The following RALA variants were observed in gnomAD, a reference collection of about 807,000 sequenced individuals.
The protein encoded by RALA is ras-related protein Ral-A.
A neutral mutation model predicts 24.0 loss-of-function variants in RALA; 5 were observed. That is an observed-to-expected ratio of 0.21 (90% CI 0.11 to 0.44). RALA has a LOEUF of 0.44. RALA is among the 20% of genes least tolerant of loss of function. The pLI is 0.99. For synonymous variants in RALA, 77 were observed against 83.8 expected, an observed-to-expected ratio of 0.92 and a Z score of 0.44; for missense variants, 95 against 241.2, an observed-to-expected ratio of 0.39 and a Z score of 4.01.
chr7:39,680,748 T>A (rs1792580335), intron 1 of RALA, among the ~76,000 whole-genome samples: 1 of 152,130 alleles, frequency 6.6e-6, no homozygotes. Flanking sequence ...GTCCAAACAC[T>A]ACCTGTTGAA....
intron 1 of RALA, among the ~76,000 whole-genome samples, chr7:39,675,753 A>C (rs869104524): frequency 9.5e-5 from 7 of 73,928 alleles, no homozygotes; most frequent in East Asian, 2.1e-4. Flanking sequence ...AAAAAAAAAA[A>C]AAAAAAAACT....
At chr7:39,680,157 G>A (rs113150849) in intron 1 of RALA, among the ~76,000 whole-genome samples, 4,383 of 152,076 alleles carry the variant, frequency 0.029, 223 homozygotes, top group African/African-American at 0.099. Flanking sequence ...ATCACCTGAG[G>A]TCGGGAGTTT....
rs574684614 is a variant in RALA, at chr7:39,673,187, CAAAAAAAAGAG to C, written c.-37-13442_-37-13432del. Among the ~76,000 whole-genome samples, 166 of 150,564 alleles carry C rather than the reference CAAAAAAAAGAG, an allele frequency of 1.1e-3. 1 individual carries two copies. The highest frequency in any genetic ancestry group is 3.9e-3 in the African/African-American group (161 of 41,052). ...TGGGCGACAGAGCGAGACTCTGTCT[CAAAAAAAAGAG>C]AGAAATTATCTTCACAAATTTTATG... On this transcript the variant is annotated intron_variant, in intron 1 of 4. Coordinates refer to ENST00000005257, the MANE Select transcript of RALA (RefSeq NM_005402.4).
intron 1 of RALA, among the ~76,000 whole-genome samples, chr7:39,680,531 G>A (rs1273515982): frequency 6.6e-6 from 1 of 151,218 alleles, no homozygotes; most frequent in Non-Finnish European, 1.5e-5. Flanking sequence ...AGCCGAGAGT[G>A]CGCTACTGCA....
chr7:39,660,149 G>A (rs1312560081), intron 1 of RALA, among the ~76,000 whole-genome samples: 1 of 152,100 alleles, frequency 6.6e-6, no homozygotes, highest in Non-Finnish European at 1.5e-5. Context: ...TTCAAGACCA[G>A]CCTGGCCAAT....
chr7:39,699,814 A>T (rs1792991211), intron 4 of RALA, among the ~76,000 whole-genome samples: 1 of 152,210 alleles, frequency 6.6e-6, no homozygotes, highest in Admixed American at 6.5e-5. Context: ...TTTTCACTGT[A>T]AATACCCTTG....
intron 4 of RALA, among the ~76,000 whole-genome samples, chr7:39,704,970 C>CCAT (rs1793091726): frequency 6.6e-6 from 1 of 152,160 alleles, no homozygotes; most frequent in African/African-American, 2.4e-5. Flanking sequence ...GTCACCATGC[C>CCAT]TGGCCTAATT....
In RALA at chr7:39,707,445, G is replaced by A. The variant is rs1793137602; in HGVS notation, c.*1200G>A. Reference sequence around the variant, plus strand: ...GAACACTGTAGCTACATTTTCAGAAGTTAACATCAAGCCATCAAACCTGGG... The same window carrying A: ...GAACACTGTAGCTACATTTTCAGAAATTAACATCAAGCCATCAAACCTGGG... On this transcript the variant is annotated 3_prime_UTR_variant, in exon 5 of 5. Transcript: ENST00000005257. The A allele has an allele frequency of 6.6e-6, 1 of 152,198 alleles. No individual in the cohort carries two copies. Among genetic ancestry groups the A allele is most frequent in the Non-Finnish European group, 1.5e-5 (1 of 68,050 alleles). 9.4% of individuals were successfully genotyped at this position (152,198 alleles called of 1,614,324 possible). A position where few individuals can be genotyped will look rare whatever the true frequency, so the allele number is the denominator to read the frequency against.
chr7:39,667,192 T>C (rs1792298926), intron 1 of RALA, among the ~76,000 whole-genome samples: 1 of 152,208 alleles, frequency 6.6e-6, no homozygotes, highest in Admixed American at 6.5e-5. Context: ...CTAATTTTAA[T>C]TGAATGTCTT....
intron 1 of RALA, among the ~76,000 whole-genome samples, chr7:39,670,145 C>CATT: frequency 6.6e-6 from 1 of 152,220 alleles, no homozygotes; most frequent in Non-Finnish European, 1.5e-5. Flanking sequence ...TCTAAGCCTG[C>CATT]ATTATTATTA....
At chr7:39,680,784 A>G (rs1205780321) in intron 1 of RALA, among the ~76,000 whole-genome samples, 1 of 151,812 alleles carries the variant, frequency 6.6e-6, no homozygotes, top group African/African-American at 2.4e-5. Context: ...CCCCACCCCC[A>G]TTTGAAGTGC....
At chr7:39,646,326 A>G (rs529478289) in intron 1 of RALA, among the ~76,000 whole-genome samples, 181 of 152,082 alleles carry the variant, frequency 1.2e-3, no homozygotes, top group African/African-American at 4.1e-3. Flanking sequence ...AAATAAAAAC[A>G]AGCCCACTTT....
intron 1 of RALA, among the ~76,000 whole-genome samples, chr7:39,669,693 C>G (rs1290860550): frequency 6.6e-6 from 1 of 151,790 alleles, no homozygotes; most frequent in Non-Finnish European, 1.5e-5. Context: ...GTAGTCCCAA[C>G]TACTCAGGAG....
At chr7:39,653,535 C>G (rs1583718855) in intron 1 of RALA, among the ~76,000 whole-genome samples, 1 of 151,814 alleles carries the variant, frequency 6.6e-6, no homozygotes, top group Non-Finnish European at 1.5e-5. Flanking sequence ...GCTATGTTGC[C>G]CAGGCTGGTC....
At chr7:39,688,848 C>A (rs1013940469) in intron 2 of RALA, among the ~76,000 whole-genome samples, 1 of 152,124 alleles carries the variant, frequency 6.6e-6, no homozygotes, top group Non-Finnish European at 1.5e-5. Flanking sequence ...TTAATTGACT[C>A]ACAGTTCCAC....
intron 1 of RALA, among the ~76,000 whole-genome samples, chr7:39,675,188 A>C (rs1434184238): frequency 1.3e-5 from 2 of 152,194 alleles, no homozygotes. Flanking sequence ...GAATGCTTGC[A>C]TGAGAGAATC....
intron 1 of RALA, among the ~76,000 whole-genome samples, chr7:39,639,748 G>A (rs1381471808): frequency 6.6e-6 from 1 of 152,050 alleles, no homozygotes; most frequent in Non-Finnish European, 1.5e-5. Context: ...GCTCTTGGAT[G>A]GTGAGAGCCT....
intron 1 of RALA, among the ~76,000 whole-genome samples, chr7:39,639,909 GT>G (rs149025528): frequency 6.6e-6 from 1 of 151,692 alleles, no homozygotes; most frequent in Non-Finnish European, 1.5e-5. Flanking sequence ...TGCAATATGG[GT>G]TTTTTTTCCC....
chr7:39,700,577 T>A (rs1266400705), intron 4 of RALA: 1 of 152,220 alleles, frequency 6.6e-6, no homozygotes, highest in East Asian at 1.9e-4. Context: ...TCTGAAGTTA[T>A]GCAGCATTAT....
Sources: gnomAD v4.1 joint callset for allele counts (sites outside exome capture counted in the v4.1 genomes callset) on GRCh38, gnomAD v4.1.1 for gene constraint, MANE v1.5 for transcripts, NCBI Gene and HGNC (gene_info 2026-07-23, HGNC 2026-07-21) for gene names.